MED21: variants seen among roughly 807,000 people sequenced by gnomAD.
MED21 encodes the protein mediator complex subunit 21, also known as mediator of RNA polymerase II transcription subunit 21.
MED21 carries 9 observed loss-of-function variants against 18.2 expected under a neutral mutation model. That is an observed-to-expected ratio of 0.49 (90% CI 0.30 to 0.86). The LOEUF (loss-of-function observed/expected upper bound fraction) is 0.86, where lower values mean the gene tolerates loss of function less well. MED21 is among the 40% of genes least tolerant of loss of function. The pLI is 0.07. For missense variants in MED21, 150 were observed against 170.9 expected, an observed-to-expected ratio of 0.88 and a Z score of 0.68; for synonymous variants, 73 against 60.5, an observed-to-expected ratio of 1.21 and a Z score of -0.96.
At chr12:27,025,964 ACTC>A (rs1941539416) in intron 1 of MED21, among the ~76,000 whole-genome samples, 2 of 152,296 alleles carry the variant, frequency 1.3e-5, no homozygotes, top group South Asian at 4.1e-4. Flanking sequence ...ACTTGTAACT[ACTC>A]CAGTCTCAGA....
downstream of MED21, among the ~76,000 whole-genome samples, chr12:27,034,319 G>A (rs961267986): frequency 9.2e-5 from 14 of 152,130 alleles, no homozygotes; most frequent in Non-Finnish European, 1.9e-4. Context: ...CTACTCGGGA[G>A]GCTAAGGCAG....
intron 1 of MED21, among the ~76,000 whole-genome samples, chr12:27,023,608 T>G (rs969050704): frequency 2.6e-5 from 4 of 152,106 alleles, no homozygotes; most frequent in African/African-American, 9.7e-5. Context: ...ACAAGTCCTT[T>G]TTAATGTCTC....
Position 27,026,554 on chromosome 12 carries a change from T to C in MED21, c.157+20T>C, listed in dbSNP as rs761069017. 3 of 1,493,560 alleles carry C rather than the reference T, an allele frequency of 2.0e-6. No individual in the cohort carries two copies. The highest frequency in any genetic ancestry group is 2.8e-6 in the Non-Finnish European group (3 of 1,072,682). 92.5% of individuals were successfully genotyped at this position (1,493,560 alleles called of 1,614,324 possible). A position where few individuals can be genotyped will look rare whatever the true frequency, so the allele number is the denominator to read the frequency against. ...CAGAAGGTAAACAGGTTTTCTTAGC[T>C]TCTCTTAGTTTGACTCTCACATTTT... On this transcript the variant is annotated intron_variant, in intron 2 of 3. Coordinates refer to ENST00000282892, the MANE Select transcript of MED21 (RefSeq NM_004264.5).
chr12:27,027,558 C>G, intron 3 of MED21, 111 bp downstream of exon 3: 1 of 699,296 alleles, frequency 1.4e-6, no homozygotes, highest in Non-Finnish European at 2.4e-6. Flanking sequence ...AACAACATAC[C>G]TGAGACAGTA....
intron 2 of MED21, chr12:27,038,230 A>G (rs758893935): frequency 6.6e-6 from 1 of 152,190 alleles, no homozygotes; most frequent in Admixed American, 6.5e-5. Flanking sequence ...CCAAAAAACA[A>G]TATGTAACAT....
downstream of MED21, among the ~76,000 whole-genome samples, chr12:27,031,747 C>A (rs114121166): frequency 6.6e-6 from 1 of 151,674 alleles, no homozygotes; most frequent in African/African-American, 2.4e-5. Flanking sequence ...GGAATTTGAT[C>A]GAAGAATTAG....
Position 27,030,009 on chromosome 12 carries a change from A to G in MED21, c.*1548A>G, listed in dbSNP as rs1941597248. The stretch of plus-strand genomic sequence containing the variant: ...TTAGAATGGCAGGAATAAAGAAGGC[A>G]TAATGTATAGGGTAAATATAATAGA... On this transcript the variant is annotated 3_prime_UTR_variant, in exon 4 of 4. Coordinates refer to ENST00000282892, the MANE Select transcript of MED21 (RefSeq NM_004264.5). 2.2e-5 allele frequency: 9 copies of G among 404,344 alleles called. No homozygotes were observed. The South Asian group carries it at 9.5e-4, about 43-fold the overall frequency. The allele number at this position is 404,344 out of a possible 1,614,324, so 25.0% of individuals were successfully genotyped here.
At chr12:27,030,977 G>C (rs1941613543), downstream of MED21, among the ~76,000 whole-genome samples, 1 of 152,140 alleles carries the variant, frequency 6.6e-6, no homozygotes, top group South Asian at 2.1e-4. Context: ...GCACGATCTT[G>C]GCTCACCGCA....
chr12:27,027,543 G>A, intron 3 of MED21, 96 bp downstream of exon 3: 1 of 823,168 alleles, frequency 1.2e-6, no homozygotes, highest in Non-Finnish European at 2.0e-6. Context: ...CATTTGTGCT[G>A]CTATAACAAC....
chr12:27,027,170 G>A (rs1416698952), intron 2 of MED21, among the ~76,000 whole-genome samples, 177 bp from the exon 3 acceptor site: 4 of 152,038 alleles, frequency 2.6e-5, no homozygotes, highest in Non-Finnish European at 5.9e-5. Context: ...CTCGTGATCC[G>A]CCTGCCTTGG....
At chr12:27,027,245 G>C in intron 2 of MED21, 102 bp from the exon 3 acceptor site, 1 of 728,640 alleles carries the variant, frequency 1.4e-6, no homozygotes, top group South Asian at 1.7e-5. Context: ...AGAATCTTAG[G>C]GCAGAAAAAG....
chr12:27,025,003 C>T (rs533370549), intron 1 of MED21, among the ~76,000 whole-genome samples: 12 of 152,278 alleles, frequency 7.9e-5, no homozygotes, highest in East Asian at 1.9e-4. Context: ...GAAGCTATGT[C>T]GCATTCACTA....
intron 3 of MED21, 85 bp downstream of exon 3, chr12:27,027,532 C>A: frequency 1.1e-6 from 1 of 912,788 alleles, no homozygotes; most frequent in South Asian, 1.5e-5. Flanking sequence ...TTGTCTGTGT[C>A]CATTTGTGCT....
At chr12:27,026,280 T>A in intron 1 of MED21, 140 bp from the exon 2 acceptor site, 1 of 532,228 alleles carries the variant, frequency 1.9e-6, no homozygotes, top group South Asian at 3.3e-5. Flanking sequence ...CTGGCTTATT[T>A]TATCAACAAT....
chr12:27,029,337 T>C lies in MED21; in HGVS notation c.*876T>C, dbSNP rs1203032202. The C allele has an allele frequency of 1.0e-6, 1 of 985,340 alleles. No individual in the cohort carries two copies. Among genetic ancestry groups the C allele is most frequent in the Non-Finnish European group, 1.2e-6 (1 of 829,940 alleles). 61.0% of individuals were successfully genotyped at this position (985,340 alleles called of 1,614,324 possible). On this transcript the variant is annotated 3_prime_UTR_variant, in exon 4 of 4. Transcript: ENST00000282892. ...GCATCATTTCACCTCAGTTTATTAT[T>C]GCCAAATAATAATTTGTGTCAGCAT... is the stretch of plus-strand genomic sequence containing the variant.
At position 27,023,391 on chromosome 12, in the gene MED21, C is replaced by T. The variant is rs571054467; in HGVS notation, c.42+770C>T. Among the ~76,000 whole-genome samples the T allele has an allele frequency of 5.6e-3, 796 of 142,366 alleles. 5 individuals are homozygous for T. The highest frequency in any genetic ancestry group is 0.014 in the Admixed American group (204 of 14,514). 93.4% of individuals were successfully genotyped at this position (142,366 alleles called of 152,430 possible). On this transcript the variant is annotated intron_variant, in intron 1 of 3. Transcript: ENST00000282892. The stretch of plus-strand genomic sequence containing the variant: ...CTCTGCTCACTGCATCCTCCGCCTC[C>T]CGGGTTCAAGCGATTCTCCTGTCTG...
chr12:27,031,464 TTAATA>T (rs1250263997), downstream of MED21, among the ~76,000 whole-genome samples: 2 of 152,168 alleles, frequency 1.3e-5, no homozygotes, highest in African/African-American at 4.8e-5. Context: ...TCACTTTGAT[TTAATA>T]TAAGTAAACC....
chr12:27,022,729 A>C, intron 1 of MED21, 108 bp downstream of exon 1: 1 of 1,593,530 alleles, frequency 6.3e-7, no homozygotes, highest in African/African-American at 1.3e-5. Context: ...GGACTGAGAG[A>C]CAGGGCTTCG....
intron 3 of MED21, 132 bp from the exon 4 acceptor site, chr12:27,028,153 C>G: frequency 8.5e-7 from 1 of 1,175,044 alleles, no homozygotes; most frequent in Non-Finnish European, 1.1e-6. Flanking sequence ...TAAAAGTTGT[C>G]TGATTTTTAG....
Sources: gnomAD v4.1 joint callset for allele counts (sites outside exome capture counted in the v4.1 genomes callset) on GRCh38, gnomAD v4.1.1 for gene constraint, MANE v1.5 for transcripts, NCBI Gene and HGNC (gene_info 2026-07-23, HGNC 2026-07-21) for gene names.